The following PTPRD variants were observed in gnomAD, a reference collection of about 807,000 sequenced individuals.
PTPRD encodes receptor-type tyrosine-protein phosphatase delta.
PTPRD carries 34 observed loss-of-function variants against 214.5 expected under a neutral mutation model. The observed-to-expected ratio is 0.16, with a 90% confidence interval of 0.12 to 0.21. The LOEUF (loss-of-function observed/expected upper bound fraction) is 0.21. PTPRD is among the 10% of genes least tolerant of loss of function. The pLI, the probability that PTPRD is intolerant of heterozygous loss-of-function variation, is 1.00. For synonymous variants in PTPRD, 1,128 were observed against 845.7 expected, an observed-to-expected ratio of 1.33 and a Z score of -5.79; for missense variants, 2,545 against 2,398.7, an observed-to-expected ratio of 1.06 and a Z score of -1.27.
chr9:8,331,882 T>A, intron 43 of PTPRD, 146 bp from the exon 44 acceptor site: 1 of 944,128 alleles, frequency 1.1e-6, no homozygotes, highest in Non-Finnish European at 1.5e-6. Flanking sequence ...AGAAACTTAG[T>A]TATGGTTTAT....
chr9:9,604,140 G>C (rs1265615588), intron 7 of PTPRD, among the ~76,000 whole-genome samples: 3 of 151,904 alleles, frequency 2.0e-5, no homozygotes, highest in African/African-American at 4.8e-5. Context: ...TTGATCCCTA[G>C]TTTTTCAGAT....
intron 5 of PTPRD, among the ~76,000 whole-genome samples, chr9:9,890,261 G>A (rs976678703): frequency 5.3e-5 from 8 of 151,920 alleles, no homozygotes; most frequent in Non-Finnish European, 1.0e-4. Flanking sequence ...GCAGTGATAC[G>A]ATCCTGGCTC....
chr9:8,621,949 A>C (rs944831021), intron 14 of PTPRD, among the ~76,000 whole-genome samples: 3 of 151,988 alleles, frequency 2.0e-5, no homozygotes, highest in African/African-American at 7.2e-5. Flanking sequence ...TAAAATGCCT[A>C]AACTACCATC....
chr9:8,628,614 C>CAAA (rs57311712), intron 14 of PTPRD, among the ~76,000 whole-genome samples: 96 of 101,246 alleles, frequency 9.5e-4, no homozygotes, highest in African/African-American at 3.1e-3. Flanking sequence ...CATATCAGGC[C>CAAA]AAAAAAAAAA....
At chr9:10,138,079 T>C (rs1013800608) in intron 3 of PTPRD, among the ~76,000 whole-genome samples, 1 of 151,874 alleles carries the variant, frequency 6.6e-6, no homozygotes, top group Non-Finnish European at 1.5e-5. Flanking sequence ...CAAAAATTCA[T>C]AGAAAAGACC....
intron 11 of PTPRD, among the ~76,000 whole-genome samples, chr9:8,754,004 G>C (rs2093761269): frequency 6.6e-6 from 1 of 152,082 alleles, no homozygotes; most frequent in Non-Finnish European, 1.5e-5. Context: ...AATTAGCCTG[G>C]CATGGTGGCA....
chr9:9,645,698 T>A (rs1361793560), intron 7 of PTPRD, among the ~76,000 whole-genome samples: 1 of 151,982 alleles, frequency 6.6e-6, no homozygotes, highest in Non-Finnish European at 1.5e-5. Flanking sequence ...ATTTTTCTTA[T>A]TTCACTTCTT....
intron 12 of PTPRD, among the ~76,000 whole-genome samples, chr9:8,680,224 G>A (rs2097525222): frequency 6.6e-6 from 1 of 152,120 alleles, no homozygotes; most frequent in African/African-American, 2.4e-5. Flanking sequence ...CCGTATGTAA[G>A]AAGCAAAAGC....
At chr9:9,552,112 C>T (rs1231573162) in intron 8 of PTPRD, among the ~76,000 whole-genome samples, 1 of 151,958 alleles carries the variant, frequency 6.6e-6, no homozygotes, top group African/African-American at 2.4e-5. Context: ...TCATTTACTC[C>T]TCAGTTAAGA....
chr9:10,612,208 CAAAAAA>C (rs35311745), intron 2 of PTPRD, among the ~76,000 whole-genome samples, 184 bp downstream of exon 2: 53 of 126,746 alleles, frequency 4.2e-4, no homozygotes, highest in African/African-American at 1.5e-3. Context: ...AGGGCTCTTC[CAAAAAA>C]AAAAAAAAAA....
intron 3 of PTPRD, among the ~76,000 whole-genome samples, chr9:10,100,840 A>T (rs2154213228): frequency 6.6e-6 from 1 of 151,522 alleles, no homozygotes; most frequent in African/African-American, 2.4e-5. Context: ...TTGAAGCTTA[A>T]ATCTATTAGG....
At chr9:8,949,690 A>G (rs1036291477) in intron 11 of PTPRD, among the ~76,000 whole-genome samples, 2 of 152,146 alleles carry the variant, frequency 1.3e-5, no homozygotes, top group Non-Finnish European at 2.9e-5. Flanking sequence ...TGTTCTTAAT[A>G]TTCTTTATTT....
chr9:10,153,537 G>GA (rs1443743220), intron 3 of PTPRD, among the ~76,000 whole-genome samples: 1 of 150,974 alleles, frequency 6.6e-6, no homozygotes, highest in Non-Finnish European at 1.5e-5. Flanking sequence ...CTAATATGAT[G>GA]AATCACAATT....
intron 7 of PTPRD, among the ~76,000 whole-genome samples, chr9:9,666,297 T>G (rs2096720623): frequency 6.6e-6 from 1 of 151,982 alleles, no homozygotes; most frequent in Non-Finnish European, 1.5e-5. Flanking sequence ...GGACTATATT[T>G]TATTGACATG....
intron 10 of PTPRD, among the ~76,000 whole-genome samples, chr9:9,026,169 A>G (rs1020381927): frequency 9.2e-5 from 14 of 152,100 alleles, no homozygotes; most frequent in African/African-American, 3.4e-4. Flanking sequence ...AGATCTTAAC[A>G]AAAGAAAGAA....
chr9:9,696,183 G>A (rs1294222322), intron 7 of PTPRD, among the ~76,000 whole-genome samples: 2 of 152,018 alleles, frequency 1.3e-5, no homozygotes, highest in African/African-American at 2.4e-5. Context: ...ATCTAATTTT[G>A]ACTTTTTGAA....
At chr9:9,234,816 G>A (rs1041139133) in intron 9 of PTPRD, among the ~76,000 whole-genome samples, 23 of 152,160 alleles carry the variant, frequency 1.5e-4, no homozygotes, top group African/African-American at 3.4e-4. Flanking sequence ...TCAGCATTTC[G>A]CTAAAAGCCA....
At chr9:8,541,245 T>C (rs1311077973) in intron 14 of PTPRD, among the ~76,000 whole-genome samples, 1 of 152,140 alleles carries the variant, frequency 6.6e-6, no homozygotes, top group Admixed American at 6.5e-5. Context: ...GTTTTGCTTT[T>C]TATAGATAGG....
At chr9:8,558,985 C>T (rs1036574043) in intron 14 of PTPRD, among the ~76,000 whole-genome samples, 2 of 151,996 alleles carry the variant, frequency 1.3e-5, no homozygotes, top group East Asian at 1.9e-4. Context: ...ACAAGAAGTA[C>T]AACTGCGTTT....
Sources: allele counts gnomAD v4.1 joint callset (sites outside exome capture counted in the v4.1 genomes callset), GRCh38; gene constraint gnomAD v4.1.1; transcripts MANE v1.5; gene names NCBI Gene and HGNC (gene_info 2026-07-23, HGNC 2026-07-21).